The following KLF17 variants were observed in gnomAD, a reference collection of about 807,000 sequenced individuals.
The protein encoded by KLF17 is Krueppel-like factor 17.
Under a neutral mutation model 34.2 loss-of-function variants are expected in KLF17, and 31 were observed. The ratio of observed to expected loss-of-function variants is 0.91; its 90% CI spans 0.68 to 1.22. The LOEUF is 1.22. Among genes scored for constraint, KLF17 ranks in the 50% most tolerant of loss-of-function variants. The pLI is 0.00. For missense variants in KLF17, 478 were observed against 505.2 expected, an observed-to-expected ratio of 0.95 and a Z score of 0.52; for synonymous variants, 179 against 186.7, an observed-to-expected ratio of 0.96 and a Z score of 0.34.
Position 44,127,660 on chromosome 1 carries a change from T to TTC in KLF17, c.82-1691_82-1690dup, listed in dbSNP as rs1308287676. On this transcript the variant is annotated intron_variant, in intron 1 of 3. Coordinates refer to ENST00000372299, the MANE Select transcript of KLF17 (RefSeq NM_173484.4). ...TTTCCTTCTTTCTTTCTTTCTTTCT[T>TTC]TCTTTCTTTCTTTCTTTCTTTCTTT... is the stretch of plus-strand genomic sequence containing the variant. Among the ~76,000 whole-genome samples, 111 of 39,912 alleles carry TTC rather than the reference T, an allele frequency of 2.8e-3. 5 individuals are homozygous for TTC. The highest frequency in any genetic ancestry group is 4.8e-3 in the East Asian group (7 of 1,472). The allele number at this position is 39,912 out of a possible 152,430, so 26.2% of individuals were successfully genotyped here.
chr1:44,113,392 G>A, the KLF17 span, among the ~76,000 whole-genome samples: 1 of 152,176 alleles, frequency 6.6e-6, no homozygotes, highest in Non-Finnish European at 1.5e-5. Flanking sequence ...AAGCAAACAG[G>A]TAATAATGAC....
At chr1:44,073,209 C>CTTTTT in the KLF17 span, among the ~76,000 whole-genome samples, 594 of 137,760 alleles carry the variant, frequency 4.3e-3, 4 homozygotes, top group African/African-American at 0.015. Context: ...TCTTCTTCTT[C>CTTTTT]TTTTTTTTTT....
the KLF17 span, among the ~76,000 whole-genome samples, chr1:44,059,569 C>T: frequency 1.3e-5 from 2 of 152,188 alleles, no homozygotes; most frequent in Admixed American, 6.5e-5. Flanking sequence ...GACCTCCTAA[C>T]TAACCATAGT....
chr1:44,071,512 C>A, the KLF17 span, among the ~76,000 whole-genome samples: 1 of 152,096 alleles, frequency 6.6e-6, no homozygotes, highest in Admixed American at 6.6e-5. Flanking sequence ...CAGTGAGAAG[C>A]ATCTTCATCC....
chr1:44,115,450 C>CAAAAAAAAAAAAAAAAAAAAAACAAAAA (rs2087870795), upstream of KLF17: 1 of 74,674 alleles, frequency 1.3e-5, no homozygotes, highest in Non-Finnish European at 2.3e-5. Flanking sequence ...GACTCTGTGT[C>CAAAAAAAAAAAAAAAAAAAAAACAAAAA]AAAAAAAAAA....
At chr1:44,069,505 AGAGAGAG>A in the KLF17 span, among the ~76,000 whole-genome samples, 105 of 141,664 alleles carry the variant, frequency 7.4e-4, no homozygotes, top group African/African-American at 2.5e-3. This position sits in a 1 kb window ranked among gnomAD's most constrained non-coding sequence, Gnocchi z 4.7. Flanking sequence ...AGAGAGAGAG[AGAGAGAG>A]AAGACAGGAG....
At chr1:44,058,201 A>G in the KLF17 span, among the ~76,000 whole-genome samples, 2 of 152,224 alleles carry the variant, frequency 1.3e-5, no homozygotes, top group African/African-American at 4.8e-5. Context: ...GAAGGTAGAA[A>G]AAGCTAATGT....
chr1:44,097,812 G>A, the KLF17 span, among the ~76,000 whole-genome samples: 2 of 151,854 alleles, frequency 1.3e-5, no homozygotes, highest in African/African-American at 2.4e-5. Context: ...GATTTTTTTA[G>A]TTTTTAACAT....
the KLF17 span, among the ~76,000 whole-genome samples, chr1:44,069,475 A>T: frequency 1.2e-4 from 5 of 41,492 alleles, no homozygotes; most frequent in East Asian, 2.4e-3. This position sits in a 1 kb window ranked among gnomAD's most constrained non-coding sequence, Gnocchi z 4.7. Context: ...ATGGCGAGAG[A>T]GAGAGAGAGA....
chr1:44,118,818 G>A (rs2087910173), upstream of KLF17: 1 of 926,116 alleles, frequency 1.1e-6, no homozygotes, highest in Non-Finnish European at 1.6e-6. Flanking sequence ...AGGTGATTGT[G>A]GCGTGGCGAT....
the KLF17 span, among the ~76,000 whole-genome samples, chr1:44,054,448 G>C: frequency 6.7e-6 from 1 of 150,352 alleles, no homozygotes; most frequent in Non-Finnish European, 1.5e-5. Context: ...ACCACTTGCT[G>C]GACTCTAGGC....
the KLF17 span, among the ~76,000 whole-genome samples, chr1:44,069,257 AC>A: frequency 4.0e-5 from 6 of 151,864 alleles, no homozygotes; most frequent in African/African-American, 1.5e-4. The surrounding 1 kb of genome is among the most constrained non-coding windows in gnomAD (Gnocchi z 4.7). Context: ...AGAGGGGTCC[AC>A]CCCAGTCTAG....
At chr1:44,062,922 A>C in the KLF17 span, among the ~76,000 whole-genome samples, 1 of 152,194 alleles carries the variant, frequency 6.6e-6, no homozygotes, top group Non-Finnish European at 1.5e-5. Flanking sequence ...TCTGTCTAGC[A>C]GAAGACAAGT....
the KLF17 span, among the ~76,000 whole-genome samples, chr1:44,099,897 GAA>G: frequency 8.6e-5 from 5 of 57,994 alleles, no homozygotes; most frequent in African/African-American, 1.2e-4. Flanking sequence ...AAGAAAGAAA[GAA>G]AGAAAGAAAG....
At chr1:44,130,269 G>A (rs1025717928) in intron 2 of KLF17, 73 bp downstream of exon 2, 1 of 1,536,312 alleles carries the variant, frequency 6.5e-7, no homozygotes, top group African/African-American at 1.4e-5. Context: ...CCACTGGTGG[G>A]TAATTGTTTG....
At chr1:44,066,378 A>G in the KLF17 span, among the ~76,000 whole-genome samples, 2 of 150,120 alleles carry the variant, frequency 1.3e-5, no homozygotes, top group East Asian at 1.9e-4. Context: ...AAGGGGTATG[A>G]TAATACTTTC....
the KLF17 span, among the ~76,000 whole-genome samples, chr1:44,050,324 G>C: frequency 2.0e-5 from 3 of 152,178 alleles, no homozygotes; most frequent in Non-Finnish European, 4.4e-5. Context: ...GCTGAAAGGG[G>C]AAGAGGCAAA....
At chr1:44,066,238 T>G in the KLF17 span, among the ~76,000 whole-genome samples, 1 of 151,920 alleles carries the variant, frequency 6.6e-6, no homozygotes, top group South Asian at 2.1e-4. Flanking sequence ...GAGGATTGCT[T>G]GAGCTGGGAG....
the KLF17 span, among the ~76,000 whole-genome samples, chr1:44,084,676 T>C: frequency 9.6e-6 from 1 of 104,202 alleles, no homozygotes; most frequent in African/African-American, 3.9e-5. Flanking sequence ...CAAGATCTTG[T>C]CTCAAAAAAA....
Sources: gnomAD v4.1 joint callset for allele counts (sites outside exome capture counted in the v4.1 genomes callset) on GRCh38, gnomAD v4.1.1 for gene constraint, Gnocchi (gnomAD v3.1) non-coding constraint, MANE v1.5 for transcripts, NCBI Gene and HGNC (gene_info 2026-07-23, HGNC 2026-07-21) for gene names.